NEK10: variants seen among roughly 807,000 people sequenced by gnomAD.
The protein encoded by NEK10 is NIMA related kinase 10.
In NEK10, 122 loss-of-function variants were observed where a neutral mutation model predicts 159.8. That is an observed-to-expected ratio of 0.76 (90% CI 0.66 to 0.89). NEK10 has a LOEUF of 0.89. Ranked by LOEUF, NEK10 falls within the 40% of genes least tolerant of loss-of-function variation. The pLI is 0.00. For missense variants in NEK10, 1,342 were observed against 1,323.1 expected (o/e 1.01, Z -0.22); for synonymous variants, 466 against 457.1 (o/e 1.02, Z -0.25).
intron 33 of NEK10, among the ~76,000 whole-genome samples, chr3:27,116,938 T>G (rs748759327): frequency 6.6e-6 from 1 of 152,066 alleles, no homozygotes; most frequent in African/African-American, 2.4e-5. Flanking sequence ...AAGCCCAGCA[T>G]GCATTAGCTA....
chr3:27,166,127 A>AT (rs1946452344), intron 29 of NEK10, among the ~76,000 whole-genome samples: 1 of 152,242 alleles, frequency 6.6e-6, no homozygotes, highest in African/African-American at 2.4e-5. Context: ...GCTAATGAGC[A>AT]TTTTATAGCT....
intron 26 of NEK10, among the ~76,000 whole-genome samples, chr3:27,189,098 T>A (rs1250841167): frequency 3.3e-5 from 5 of 152,106 alleles, no homozygotes; most frequent in African/African-American, 1.2e-4. Flanking sequence ...AACTCTATAC[T>A]CTCCTTATGA....
At chr3:27,290,561 T>C (rs1028539505) in intron 19 of NEK10, 56 bp downstream of exon 19, 6 of 1,317,356 alleles carry the variant, frequency 4.6e-6, no homozygotes, top group Non-Finnish European at 6.3e-6. Context: ...AACTCTACTT[T>C]CTTGCAATGA....
At chr3:27,162,071 A>G (rs1318609131) in intron 30 of NEK10, among the ~76,000 whole-genome samples, 1 of 152,150 alleles carries the variant, frequency 6.6e-6, no homozygotes, top group Non-Finnish European at 1.5e-5. Context: ...AGGGTAGAGG[A>G]GATAGAAAAA....
At chr3:27,350,455 G>A (rs899617635) in intron 3 of NEK10, among the ~76,000 whole-genome samples, 4 of 152,086 alleles carry the variant, frequency 2.6e-5, no homozygotes, top group African/African-American at 9.7e-5. Flanking sequence ...TTACCAAAAG[G>A]AGAACAGGGT....
chr3:27,259,072 T>C (rs936350851), intron 22 of NEK10, among the ~76,000 whole-genome samples: 13 of 152,290 alleles, frequency 8.5e-5, no homozygotes, highest in African/African-American at 3.1e-4. Context: ...AGTTGTTTTT[T>C]TTTTATTGTA....
At chr3:27,131,809 G>A (rs1942653215) in intron 32 of NEK10, 71 bp downstream of exon 32, 2 of 736,244 alleles carry the variant, frequency 2.7e-6, no homozygotes, top group Non-Finnish European at 4.6e-6. Flanking sequence ...ACGAAGTAAA[G>A]GAGGTATAAA....
chr3:27,360,193 C>T (rs766511954), intron 1 of NEK10, among the ~76,000 whole-genome samples: 11 of 152,158 alleles, frequency 7.2e-5, no homozygotes, highest in South Asian at 2.1e-4. Flanking sequence ...GTGGAGTTAG[C>T]AGAAAAGAGA....
chr3:27,154,199 A>C (rs149676297), intron 30 of NEK10, among the ~76,000 whole-genome samples: 2,707 of 152,340 alleles, frequency 0.018, 52 homozygotes, highest in South Asian at 0.03. Context: ...TAGAAAACCT[A>C]GAAGAGATGG....
At chr3:27,255,929 T>C (rs913025155) in intron 23 of NEK10, among the ~76,000 whole-genome samples, 17 of 152,138 alleles carry the variant, frequency 1.1e-4, no homozygotes, top group Admixed American at 2.6e-4. Flanking sequence ...GAGTCATACA[T>C]ACAAGAGGGT....
intron 5 of NEK10, among the ~76,000 whole-genome samples, chr3:27,333,856 G>T (rs551621532): frequency 6.6e-6 from 1 of 152,294 alleles, no homozygotes; most frequent in South Asian, 2.1e-4. Context: ...AAGCAACCAT[G>T]GGCTACCATA....
At chr3:27,174,595 TGTTGACACACTGCCACTAGCAGTACCTAC>T (rs1319792163) in intron 27 of NEK10, 26 bp downstream of exon 27, 228 of 1,599,052 alleles carry the variant, frequency 1.4e-4, no homozygotes, top group African/African-American at 2.7e-4. Flanking sequence ...AATACATTCA[TGTTGACACACTGCCACTAGCAGTACCTAC>T]GTTGACACAC....
intron 17 of NEK10, 47 bp from the exon 18 acceptor site, chr3:27,291,437 C>T: frequency 6.2e-7 from 1 of 1,605,496 alleles, no homozygotes; most frequent in African/African-American, 1.3e-5. Flanking sequence ...TAAATTACAT[C>T]CTGACTACAT....
chr3:27,218,940 T>A (rs1368998371), intron 23 of NEK10, among the ~76,000 whole-genome samples: 1 of 152,178 alleles, frequency 6.6e-6, no homozygotes, highest in East Asian at 1.9e-4. Context: ...GTAAATAACA[T>A]GAATCTTGAA....
At chr3:27,259,433 A>G (rs938833675) in intron 22 of NEK10, among the ~76,000 whole-genome samples, 22 of 152,346 alleles carry the variant, frequency 1.4e-4, no homozygotes, top group African/African-American at 5.3e-4. Flanking sequence ...AGCTTTCTAC[A>G]TATGGCTAGC....
chr3:27,201,383 C>G, intron 25 of NEK10, 127 bp downstream of exon 25: 1 of 771,372 alleles, frequency 1.3e-6, no homozygotes, highest in Non-Finnish European at 2.1e-6. Flanking sequence ...GCACAAACAT[C>G]TTTCTAGATT....
chr3:27,323,808 G>T (rs1467152417), intron 5 of NEK10, among the ~76,000 whole-genome samples: 1 of 152,112 alleles, frequency 6.6e-6, no homozygotes, highest in Non-Finnish European at 1.5e-5. Context: ...TCCTTCAAAG[G>T]TCTTTAAAAT....
chr3:27,241,376 C>G (rs1954546008), intron 23 of NEK10, among the ~76,000 whole-genome samples: 1 of 152,106 alleles, frequency 6.6e-6, no homozygotes, highest in African/African-American at 2.4e-5. Flanking sequence ...TGAATTCCAA[C>G]CATTTGCAGG....
chr3:27,236,331 G>C (rs1953910812), intron 23 of NEK10, among the ~76,000 whole-genome samples: 1 of 151,910 alleles, frequency 6.6e-6, no homozygotes, highest in Non-Finnish European at 1.5e-5. Context: ...ATATTTTTAA[G>C]AACAAAATGT....
Sources: allele counts gnomAD v4.1 joint callset (sites outside exome capture counted in the v4.1 genomes callset), GRCh38; gene constraint gnomAD v4.1.1; transcripts MANE v1.5; gene names NCBI Gene and HGNC (gene_info 2026-07-23, HGNC 2026-07-21).